Variants in CELF2 observed in about 807,000 individuals in gnomAD.
The protein encoded by CELF2 is CUGBP Elav-like family member 2, also known as CUG triplet repeat RNA-binding protein 2.
A neutral mutation model predicts 62.6 loss-of-function variants in CELF2; 8 were observed. The ratio of observed to expected loss-of-function variants is 0.13; its 90% CI spans 0.07 to 0.23. CELF2 has a LOEUF of 0.23. CELF2 is among the 10% of genes least tolerant of loss of function. The pLI is 1.00. For synonymous variants in CELF2, 258 were observed against 250.0 expected (o/e 1.03, Z -0.30); for missense variants, 333 against 671.0 (o/e 0.50, Z 5.56).
At chr10:10,800,116 C>A (rs1025656854) in intron 1 of CELF2, among the ~76,000 whole-genome samples, 2 of 152,148 alleles carry the variant, frequency 1.3e-5, no homozygotes, top group African/African-American at 4.8e-5. Context: ...TTTTTAAGAA[C>A]AAGATTATAG....
Position 11,010,540 on chromosome 10 carries a change from C to T in CELF2, c.53+5100C>T, listed in dbSNP as rs1190625222. On this transcript the variant is annotated intron_variant, in intron 1 of 12. Transcript: ENST00000416382. This position sits in a 1 kb window ranked among gnomAD's most constrained non-coding sequence, Gnocchi z 4.1. ...TACTTTGATCTTGTATAATTTAATC[C>T]TCAGATATCCAAGAGTTAATGGTAG... Among the ~76,000 whole-genome samples the T allele has an allele frequency of 6.6e-6, 1 of 152,100 alleles. No homozygotes were observed. The highest frequency in any genetic ancestry group is 1.5e-5 in the Non-Finnish European group (1 of 68,018).
the CELF2 span, among the ~76,000 whole-genome samples, chr10:10,652,171 A>G: frequency 9.7e-6 from 1 of 102,862 alleles, no homozygotes; most frequent in African/African-American, 3.5e-5. Context: ...AAGTTTAGAG[A>G]AAAAAGAATA....
the CELF2 span, among the ~76,000 whole-genome samples, chr10:10,481,449 C>T: frequency 2.6e-5 from 4 of 152,128 alleles, no homozygotes; most frequent in Admixed American, 1.3e-4. Flanking sequence ...AAACAGACTT[C>T]TTTGGGGAAA....
intron 1 of CELF2, among the ~76,000 whole-genome samples, chr10:10,904,686 C>T (rs1294933922): frequency 6.6e-6 from 1 of 152,218 alleles, no homozygotes; most frequent in East Asian, 1.9e-4. Context: ...TGCCCATGCG[C>T]CTGCCTCTGG....
chr10:11,217,568 G>GTT lies in CELF2; in HGVS notation c.354+61_354+62insTT. 7.7e-7 allele frequency: 1 copy of GTT among 1,298,246 alleles called. No individual in the cohort carries two copies. Among genetic ancestry groups the GTT allele is most frequent in the Non-Finnish European group, 1.1e-6 (1 of 903,344 alleles). The allele number at this position is 1,298,246 out of a possible 1,614,324, so 80.4% of individuals were successfully genotyped here. A position where few individuals can be genotyped will look rare whatever the true frequency, so the allele number is the denominator to read the frequency against. Reference sequence around the variant, plus strand: ...TTGCTTGAAAATGGTCCTTTCAACTGAAGGTTCTAGTTATGGGCTCTTAGT... The same window carrying GTT: ...TTGCTTGAAAATGGTCCTTTCAACTGTTAAGGTTCTAGTTATGGGCTCTTAGT... On this transcript the variant is annotated intron_variant, in intron 3 of 12. Coordinates refer to ENST00000633077, the MANE Select transcript of CELF2 (RefSeq NM_001326342.2). This position sits in a 1 kb window ranked among gnomAD's most constrained non-coding sequence, Gnocchi z 5.6.
At chr10:10,693,959 C>T in the CELF2 span, among the ~76,000 whole-genome samples, 2 of 151,718 alleles carry the variant, frequency 1.3e-5, no homozygotes, top group Non-Finnish European at 2.9e-5. Context: ...TTTCAAAAAA[C>T]CAGCTCCTGG....
At chr10:11,041,834 A>G (rs770790791) in intron 1 of CELF2, among the ~76,000 whole-genome samples, 3 of 152,232 alleles carry the variant, frequency 2.0e-5, no homozygotes, top group Non-Finnish European at 4.4e-5. Context: ...TTGGATATCC[A>G]CAGACCCATT....
chr10:10,532,515 G>C, the CELF2 span, among the ~76,000 whole-genome samples: 1 of 152,186 alleles, frequency 6.6e-6, no homozygotes. Context: ...AGTTAAGGGA[G>C]GAAGGCAAAG....
intron 1 of CELF2, among the ~76,000 whole-genome samples, chr10:11,092,861 T>A (rs1237800216): frequency 3.9e-5 from 6 of 152,170 alleles, no homozygotes; most frequent in Non-Finnish European, 8.8e-5. Context: ...AAACGAACAC[T>A]CAGTCCACAG....
chr10:10,638,669 T>A, the CELF2 span, among the ~76,000 whole-genome samples: 1 of 152,206 alleles, frequency 6.6e-6, no homozygotes, highest in African/African-American at 2.4e-5. Context: ...CTATTCTAAG[T>A]GTATGAGGAG....
chr10:10,916,325 T>A (rs1269603504), intron 1 of CELF2, among the ~76,000 whole-genome samples: 1 of 152,218 alleles, frequency 6.6e-6, no homozygotes, highest in African/African-American at 2.4e-5. Flanking sequence ...TTCATTTTGT[T>A]AAAATTTGGA....
chr10:11,253,120 C>A (rs1238968771), intron 4 of CELF2, among the ~76,000 whole-genome samples: 2 of 152,140 alleles, frequency 1.3e-5, no homozygotes, highest in Non-Finnish European at 2.9e-5. Context: ...GGTTCTGGGT[C>A]TGGTCTCAGA....
intron 2 of CELF2, among the ~76,000 whole-genome samples, chr10:11,181,981 T>C (rs1588491634): frequency 1.3e-5 from 2 of 152,144 alleles, no homozygotes; most frequent in African/African-American, 2.4e-5. Context: ...CATGAAAAAA[T>C]ATTGTTTCAG....
the CELF2 span, among the ~76,000 whole-genome samples, chr10:10,603,421 G>T: frequency 6.6e-6 from 1 of 152,038 alleles, no homozygotes; most frequent in East Asian, 1.9e-4. Context: ...ATGAACAGCT[G>T]AGGAAGCAGC....
intron 1 of CELF2, among the ~76,000 whole-genome samples, chr10:11,113,372 G>A (rs2055719212): frequency 6.6e-6 from 1 of 152,118 alleles, no homozygotes; most frequent in Non-Finnish European, 1.5e-5. Flanking sequence ...ATGGTGCATG[G>A]GGAATTGGGG....
intron 1 of CELF2, among the ~76,000 whole-genome samples, chr10:11,084,432 C>G (rs1483316179): frequency 6.6e-6 from 1 of 152,134 alleles, no homozygotes; most frequent in Non-Finnish European, 1.5e-5. Context: ...GTACAAAATG[C>G]TACATTAGAG....
chr10:11,334,395 C>T lies in CELF2; in HGVS notation c.*5342C>T, dbSNP rs2096081693. 1 of 152,610 alleles carries T rather than the reference C, an allele frequency of 6.6e-6. No homozygotes were observed. Among genetic ancestry groups the T allele is most frequent in the Non-Finnish European group, 1.5e-5 (1 of 68,036 alleles). 9.5% of individuals were successfully genotyped at this position (152,610 alleles called of 1,614,324 possible). A position where few individuals can be genotyped will look rare whatever the true frequency, so the allele number is the denominator to read the frequency against. Reference sequence around the variant, plus strand: ...CTCTGCGTGTTGTATTGTTGGTAGTCATTATATGTTGGTGATACATCTGCA... The same window carrying T: ...CTCTGCGTGTTGTATTGTTGGTAGTTATTATATGTTGGTGATACATCTGCA... On this transcript the variant is annotated 3_prime_UTR_variant, in exon 13 of 13. Coordinates refer to ENST00000633077, the MANE Select transcript of CELF2 (RefSeq NM_001326342.2).
At chr10:10,512,517 T>G in the CELF2 span, among the ~76,000 whole-genome samples, 2 of 149,908 alleles carry the variant, frequency 1.3e-5, no homozygotes, top group Non-Finnish European at 3.0e-5. Context: ...GTGATTCTCC[T>G]GCCCTCAGCC....
At chr10:11,142,951 C>G (rs2061612828) in intron 1 of CELF2, among the ~76,000 whole-genome samples, 1 of 150,848 alleles carries the variant, frequency 6.6e-6, no homozygotes, top group South Asian at 2.1e-4. Context: ...TTCTTCTGTC[C>G]TCCCTCCACT....
Sources: allele counts gnomAD v4.1 joint callset (sites outside exome capture counted in the v4.1 genomes callset), GRCh38; gene constraint gnomAD v4.1.1; non-coding constraint Gnocchi (gnomAD v3.1); transcripts MANE v1.5; gene names NCBI Gene and HGNC (gene_info 2026-07-23, HGNC 2026-07-21).